The following PPHLN1 variants were observed in gnomAD, a reference collection of about 807,000 sequenced individuals.
PPHLN1 encodes the protein periphilin 1, also known as periphilin-1.
In PPHLN1, 29 loss-of-function variants were observed where a neutral mutation model predicts 51.3. That is an observed-to-expected ratio of 0.57 (90% CI 0.42 to 0.77). PPHLN1 has a LOEUF of 0.77. Among genes scored for constraint, PPHLN1 ranks in the 30% least tolerant of loss-of-function variants. The pLI, the probability that PPHLN1 is intolerant of heterozygous loss-of-function variation, is 0.00. For synonymous variants in PPHLN1, 147 were observed against 147.8 expected (o/e 0.99, Z 0.04); for missense variants, 436 against 438.4 (o/e 0.99, Z 0.05).
intron 4 of PPHLN1, among the ~76,000 whole-genome samples, chr12:42,373,548 A>G (rs1461078746): frequency 6.6e-6 from 1 of 152,240 alleles, no homozygotes; most frequent in African/African-American, 2.4e-5. Flanking sequence ...TGCTATTGGT[A>G]TGTCTCTTAG....
At chr12:42,329,247 G>GC (rs1166875704) in intron 1 of PPHLN1, among the ~76,000 whole-genome samples, 1 of 151,708 alleles carries the variant, frequency 6.6e-6, no homozygotes, top group African/African-American at 2.4e-5. Flanking sequence ...GACTACAGGC[G>GC]CCCACCACCG....
intron 4 of PPHLN1, among the ~76,000 whole-genome samples, chr12:42,363,461 T>G (rs2074939831): frequency 6.6e-6 from 1 of 152,066 alleles, no homozygotes; most frequent in African/African-American, 2.4e-5. Context: ...TTTTTCATTT[T>G]GTTATGTGTT....
At chr12:42,392,073 C>T (rs150726882) in intron 7 of PPHLN1, among the ~76,000 whole-genome samples, 11 of 152,184 alleles carry the variant, frequency 7.2e-5, no homozygotes, top group East Asian at 1.9e-4. Flanking sequence ...AAAAATTACC[C>T]GGTTATGGTG....
intron 2 of PPHLN1, among the ~76,000 whole-genome samples, chr12:42,342,464 C>T (rs1424818167): frequency 1.3e-5 from 2 of 152,310 alleles, no homozygotes; most frequent in Admixed American, 6.5e-5. Flanking sequence ...TATGGGGTTC[C>T]AGCTTCTTAG....
At chr12:42,416,054 A>G (rs1031396705) in intron 9 of PPHLN1, among the ~76,000 whole-genome samples, 4 of 152,230 alleles carry the variant, frequency 2.6e-5, no homozygotes, top group African/African-American at 7.2e-5. Context: ...AAGGTTCTAC[A>G]TAAAGGTGAA....
intron 9 of PPHLN1, chr12:42,432,060 C>A: frequency 6.4e-7 from 1 of 1,566,180 alleles, no homozygotes; most frequent in Non-Finnish European, 8.8e-7. Context: ...GGATTTGCCA[C>A]CACGTGGTCC....
chr12:42,414,101 ATC>A (rs1330405321), intron 9 of PPHLN1, among the ~76,000 whole-genome samples: 1 of 152,110 alleles, frequency 6.6e-6, no homozygotes, highest in African/African-American at 2.4e-5. Flanking sequence ...CAATGGCACC[ATC>A]TCGGCTCACT....
chr12:42,419,558 G>A (rs2139667644), intron 9 of PPHLN1, among the ~76,000 whole-genome samples: 1 of 152,258 alleles, frequency 6.6e-6, no homozygotes, highest in African/African-American at 2.4e-5. Flanking sequence ...TATAGTAGTT[G>A]CATCTATGGA....
intron 9 of PPHLN1, among the ~76,000 whole-genome samples, chr12:42,412,966 A>G (rs1487774309): frequency 6.6e-6 from 1 of 151,588 alleles, no homozygotes; most frequent in African/African-American, 2.4e-5. Flanking sequence ...TTTTGAGGAG[A>G]TGATTATTAT....
chr12:42,446,649 A>G (rs565304763), downstream of PPHLN1: 4 of 1,604,176 alleles, frequency 2.5e-6, no homozygotes, highest in Non-Finnish European at 3.4e-6. Flanking sequence ...GTTGCTGCAC[A>G]CATCTGTACT....
rs2077938627 is a variant in PPHLN1 at position 42,393,706 on chromosome 12, C to T, written c.768+17C>T. ...GAGTATGAGGTAAGGCATAATGTCTCCTTTATGTTTCACATCTGAAAGTTT... is the reference window on the plus strand; with the variant it reads ...GAGTATGAGGTAAGGCATAATGTCTTCTTTATGTTTCACATCTGAAAGTTT... On this transcript the variant is annotated intron_variant, in intron 8 of 9. Transcript: ENST00000358314. 6.4e-7 allele frequency: 1 copy of T among 1,565,198 alleles called. No homozygotes were observed. Among genetic ancestry groups the T allele is most frequent in the East Asian group, 2.3e-5 (1 of 43,898 alleles).
intron 1 of PPHLN1, among the ~76,000 whole-genome samples, chr12:42,329,536 T>C (rs1445389212): frequency 1.3e-5 from 2 of 152,230 alleles, no homozygotes; most frequent in African/African-American, 4.8e-5. Flanking sequence ...TTTTTATTAT[T>C]ATTAGCATTA....
intron 9 of PPHLN1, among the ~76,000 whole-genome samples, chr12:42,406,141 T>C (rs1301570399): frequency 1.3e-5 from 2 of 150,756 alleles, no homozygotes; most frequent in Admixed American, 1.3e-4. Flanking sequence ...TGGAGTGCAG[T>C]GGTGCGTTCT....
chr12:42,416,722 A>G (rs1376371480), intron 9 of PPHLN1, among the ~76,000 whole-genome samples: 1 of 152,208 alleles, frequency 6.6e-6, no homozygotes, highest in Non-Finnish European at 1.5e-5. Flanking sequence ...GTTAGTACAG[A>G]CCCTACAAGT....
rs78085068 is a variant in PPHLN1, at chr12:42,412,673, A to G, written c.909+13679A>G. ...GTAGGATTGCTGGATTGGATGGTAG[A>G]TCTACTTTTAATTCTTTAAATCTCC... On this transcript the variant is annotated intron_variant, in intron 9 of 9. Transcript: ENST00000358314. 9.1e-4 allele frequency among the ~76,000 whole-genome samples: 138 copies of G among 152,138 alleles called. 2 individuals are homozygous for G. The East Asian group carries it at 0.016, about 18-fold the overall frequency.
intron 9 of PPHLN1, among the ~76,000 whole-genome samples, chr12:42,435,528 G>A (rs967311245): frequency 6.6e-6 from 1 of 152,098 alleles, no homozygotes; most frequent in African/African-American, 2.4e-5. Context: ...CATTACTATA[G>A]ACCAAAATTA....
At chr12:42,333,345 A>G (rs2070074741) in intron 1 of PPHLN1, among the ~76,000 whole-genome samples, 1 of 152,212 alleles carries the variant, frequency 6.6e-6, no homozygotes, top group Non-Finnish European at 1.5e-5. Flanking sequence ...AATCTTTGCT[A>G]TGCAAGTGTA....
chr12:42,377,277 TAAGACCCTTA>T (rs139098661), intron 5 of PPHLN1, among the ~76,000 whole-genome samples: 22,060 of 148,958 alleles, frequency 0.15, 1,702 homozygotes, highest in Admixed American at 0.2. Context: ...AGATACCATC[TAAGACCCTTA>T]AAATTTTTTC....
intron 2 of PPHLN1, among the ~76,000 whole-genome samples, chr12:42,337,112 A>T (rs2070768316): frequency 1.3e-5 from 2 of 152,122 alleles, no homozygotes; most frequent in South Asian, 4.1e-4. Flanking sequence ...TCAAAATCCC[A>T]ATGTTTTTAT....
Sources: gnomAD v4.1 joint callset for allele counts (sites outside exome capture counted in the v4.1 genomes callset) on GRCh38, gnomAD v4.1.1 for gene constraint, MANE v1.5 for transcripts, NCBI Gene and HGNC (gene_info 2026-07-23, HGNC 2026-07-21) for gene names.